The following PRLR variants were observed in gnomAD, a reference collection of about 807,000 sequenced individuals.
PRLR encodes the protein prolactin receptor, also known as hPRL receptor.
PRLR carries 13 observed loss-of-function variants against 40.2 expected under a neutral mutation model. The ratio of observed to expected loss-of-function variants is 0.32; its 90% CI spans 0.21 to 0.51. The LOEUF (loss-of-function observed/expected upper bound fraction) is 0.51, where lower values mean the gene tolerates loss of function less well. PRLR is among the 20% of genes least tolerant of loss of function. The pLI, the probability that PRLR is intolerant of heterozygous loss-of-function variation, is 0.97. For synonymous variants in PRLR, 269 were observed against 278.7 expected (o/e 0.97, Z 0.35); for missense variants, 656 against 747.3 (o/e 0.88, Z 1.42).
chr5:35,105,277 A>G (rs1050813671), intron 2 of PRLR, among the ~76,000 whole-genome samples: 2 of 152,268 alleles, frequency 1.3e-5, no homozygotes, highest in African/African-American at 4.8e-5. Context: ...GAGAAACCAG[A>G]GCAGAAAAGC....
At chr5:35,200,807 A>C (rs1042034422) in intron 1 of PRLR, among the ~76,000 whole-genome samples, 9 of 152,192 alleles carry the variant, frequency 5.9e-5, no homozygotes, top group African/African-American at 2.2e-4. Flanking sequence ...CACCAGTCCC[A>C]TTTTATAAAT....
chr5:35,173,583 T>C (rs1374589395), intron 1 of PRLR, among the ~76,000 whole-genome samples: 1 of 152,168 alleles, frequency 6.6e-6, no homozygotes, highest in African/African-American at 2.4e-5. Context: ...TGCAAAACCT[T>C]GCCCTCCTCC....
At chr5:35,106,940 A>G (rs1001551751) in intron 2 of PRLR, among the ~76,000 whole-genome samples, 2 of 152,212 alleles carry the variant, frequency 1.3e-5, no homozygotes, top group African/African-American at 4.8e-5. Context: ...TCAGCACCAC[A>G]TCGCACTTAT....
intron 2 of PRLR, among the ~76,000 whole-genome samples, chr5:35,112,546 G>C (rs1471779826): frequency 6.6e-6 from 1 of 152,126 alleles, no homozygotes; most frequent in Non-Finnish European, 1.5e-5. Context: ...TCAAAGGCAG[G>C]TGGGCTAGGG....
At chr5:35,079,408 C>G (rs2112434964) in intron 5 of PRLR, among the ~76,000 whole-genome samples, 1 of 152,210 alleles carries the variant, frequency 6.6e-6, no homozygotes, top group Non-Finnish European at 1.5e-5. Flanking sequence ...TCCTATACAC[C>G]AATAACAGAC....
At position 35,072,583 on chromosome 5, in the gene PRLR, C is replaced by T. The variant is rs138100102; in HGVS notation, c.535G>A (p.Glu179Lys). ...GCATATGGATCACTCACCTCCCACTCAGCTGCTTTCTCGGGTTTTAATCGA... is the reference window on the plus strand; with the variant it reads ...GCATATGGATCACTCACCTCCCACTTAGCTGCTTTCTCGGGTTTTAATCGA... Reference protein sequence around the residue: ...EIRLKPEKAAEWEIHFAGQQT... With the variant: ...EIRLKPEKAAKWEIHFAGQQT... Residue 179 changes from glutamate (E) to lysine (K), a missense_variant, in exon 6 of 10, where the codon GAG becomes AAG. Coordinates refer to ENST00000618457, the MANE Select transcript of PRLR (RefSeq NM_000949.7). The T allele has an allele frequency of 8.2e-4, 1,316 of 1,613,830 alleles. 1 individual carries two copies. The highest frequency in any genetic ancestry group is 1.0e-3 in the Non-Finnish European group (1,190 of 1,179,880).
intron 1 of PRLR, among the ~76,000 whole-genome samples, chr5:35,211,031 C>T (rs1776155718): frequency 6.6e-6 from 1 of 152,124 alleles, no homozygotes. Flanking sequence ...GATATTGGCT[C>T]TAAGTTACTG....
rs1774656715 is a variant in PRLR, at chr5:35,160,908, G to A, written c.-105-42786C>T. ...AAAAACCACTAGCCCACAAGCCTTCGATAAGACTGACTTGAGTAATAACTC... is the reference window on the plus strand; with the variant it reads ...AAAAACCACTAGCCCACAAGCCTTCAATAAGACTGACTTGAGTAATAACTC... On this transcript the variant is annotated intron_variant, in intron 1 of 9. Transcript: ENST00000618457. Among the ~76,000 whole-genome samples, 3 of 152,170 alleles carry A rather than the reference G, an allele frequency of 2.0e-5. No individual in the cohort carries two copies. The South Asian group carries it at 6.2e-4, about 32-fold the overall frequency.
At chr5:35,132,378 G>C (rs1189569928) in intron 1 of PRLR, among the ~76,000 whole-genome samples, 1 of 151,834 alleles carries the variant, frequency 6.6e-6, no homozygotes, top group African/African-American at 2.4e-5. Flanking sequence ...CAGCCCAAAG[G>C]AAATCTTGTG....
At chr5:35,216,300 C>T (rs1379081203) in intron 1 of PRLR, among the ~76,000 whole-genome samples, 4 of 51,814 alleles carry the variant, frequency 7.7e-5, no homozygotes, top group Admixed American at 3.3e-4. Context: ...CTATAGTGGG[C>T]TGAATGGTTT....
intron 1 of PRLR, among the ~76,000 whole-genome samples, chr5:35,179,637 T>G (rs1775240304): frequency 6.6e-6 from 1 of 152,216 alleles, no homozygotes; most frequent in African/African-American, 2.4e-5. Flanking sequence ...CCTATCACAC[T>G]GTACAGTTAT....
chr5:35,120,032 C>T (rs1773231920), intron 1 of PRLR, among the ~76,000 whole-genome samples: 1 of 152,126 alleles, frequency 6.6e-6, no homozygotes, highest in East Asian at 1.9e-4. Context: ...TCATCCTCTG[C>T]CCTGGCTCCC....
At chr5:35,228,461 G>T (rs542673545) in intron 1 of PRLR, among the ~76,000 whole-genome samples, 7 of 152,256 alleles carry the variant, frequency 4.6e-5, no homozygotes, top group Admixed American at 4.6e-4. Context: ...AAGTACAGAG[G>T]TTCAAAAGAA....
chr5:35,072,556 A>C lies in PRLR; in HGVS notation c.543+19T>G. On this transcript the variant is annotated intron_variant, in intron 6 of 9. Transcript: ENST00000618457. The stretch of plus-strand genomic sequence containing the variant: ...TGCCAAAGGCCATAGTTCCTTCAAA[A>C]AGCATATGGATCACTCACCTCCCAC... 1 of 1,607,736 alleles carries C rather than the reference A, an allele frequency of 6.2e-7. No homozygotes were observed. The highest frequency in any genetic ancestry group is 1.1e-5 in the South Asian group (1 of 89,742).
chr5:35,164,164 C>G (rs1357376782), intron 1 of PRLR, among the ~76,000 whole-genome samples: 1 of 152,166 alleles, frequency 6.6e-6, no homozygotes, highest in African/African-American at 2.4e-5. Context: ...GGCCACTTGC[C>G]TTAGTGGCTT....
At chr5:35,135,364 C>G (rs1013415396) in intron 1 of PRLR, 38 of 152,428 alleles carry the variant, frequency 2.5e-4, no homozygotes, top group African/African-American at 8.9e-4. Context: ...CTCGCGGCCT[C>G]TCCACTCAGC....
chr5:35,128,389 C>T (rs2111763044), intron 1 of PRLR, among the ~76,000 whole-genome samples: 1 of 151,404 alleles, frequency 6.6e-6, no homozygotes, highest in African/African-American at 2.4e-5. Context: ...TTCACATCCT[C>T]CCATATACTT....
At chr5:35,176,078 C>T (rs1033752248) in intron 1 of PRLR, among the ~76,000 whole-genome samples, 2 of 152,132 alleles carry the variant, frequency 1.3e-5, no homozygotes, top group Admixed American at 6.6e-5. Flanking sequence ...GATGCACATG[C>T]AGCCCCCATG....
intron 2 of PRLR, among the ~76,000 whole-genome samples, chr5:35,105,267 G>C (rs1477818460): frequency 6.6e-6 from 1 of 152,212 alleles, no homozygotes; most frequent in East Asian, 1.9e-4. Context: ...CAAAGATGGG[G>C]AGAAACCAGA....
Sources: gnomAD v4.1 joint callset for allele counts (sites outside exome capture counted in the v4.1 genomes callset) on GRCh38, gnomAD v4.1.1 for gene constraint, MANE v1.5 for transcripts, NCBI Gene and HGNC (gene_info 2026-07-23, HGNC 2026-07-21) for gene names.